The following SNTB2 variants were observed in gnomAD, a reference collection of about 807,000 sequenced individuals.
SNTB2 encodes the protein beta-2-syntrophin.
SNTB2 carries 34 observed loss-of-function variants against 46.2 expected under a neutral mutation model. The ratio of observed to expected loss-of-function variants is 0.74; its 90% CI spans 0.56 to 0.98. The LOEUF (loss-of-function observed/expected upper bound fraction) is 0.98. Ranked by LOEUF, SNTB2 falls within the 50% of genes least tolerant of loss-of-function variation. The pLI, the probability that SNTB2 is intolerant of heterozygous loss-of-function variation, is 0.00. For missense variants in SNTB2, 603 were observed against 731.4 expected (o/e 0.82, Z 2.02); for synonymous variants, 290 against 312.6 (o/e 0.93, Z 0.76).
intron 4 of SNTB2, among the ~76,000 whole-genome samples, chr16:69,281,087 G>A (rs1423741185): frequency 2.0e-5 from 3 of 152,094 alleles, no homozygotes; most frequent in African/African-American, 4.8e-5. Context: ...GAGCCACCGC[G>A]CCCGGCCTCA....
chr16:69,208,959 G>T (rs916296963), intron 1 of SNTB2, among the ~76,000 whole-genome samples: 2 of 148,140 alleles, frequency 1.4e-5, no homozygotes, highest in African/African-American at 5.3e-5. Flanking sequence ...TGAGAAACTA[G>T]ATGAATTTTT....
At chr16:69,194,745 A>G (rs953213117) in intron 1 of SNTB2, among the ~76,000 whole-genome samples, 1 of 152,112 alleles carries the variant, frequency 6.6e-6, no homozygotes, top group Admixed American at 6.5e-5. Flanking sequence ...GGAATGGGGC[A>G]ATTTTCCTAG....
chr16:69,274,942 T>C (rs968389203), intron 4 of SNTB2, among the ~76,000 whole-genome samples: 1 of 152,184 alleles, frequency 6.6e-6, no homozygotes, highest in African/African-American at 2.4e-5. Context: ...GTGGGTCTTA[T>C]AGAGCTTCCT....
intron 1 of SNTB2, among the ~76,000 whole-genome samples, chr16:69,237,697 G>A (rs1395877891): frequency 2.0e-5 from 3 of 146,354 alleles, no homozygotes; most frequent in Non-Finnish European, 1.5e-5. Context: ...CCGCCTCCCC[G>A]GTTCAAGTGA....
chr16:69,300,261 T>G lies in SNTB2; in HGVS notation c.1530+487T>G, dbSNP rs556870100. On this transcript the variant is annotated intron_variant, in intron 6 of 6. Coordinates refer to ENST00000336278, the MANE Select transcript of SNTB2 (RefSeq NM_006750.4). Reference sequence around the variant, plus strand: ...GTTGCCGTCATTTTTCTTTTTTTTTTCTTTTTTGAGACGGAGTCTCGCTTT... The same window carrying G: ...GTTGCCGTCATTTTTCTTTTTTTTTGCTTTTTTGAGACGGAGTCTCGCTTT... 2.0e-5 allele frequency among the ~76,000 whole-genome samples: 3 copies of G among 151,940 alleles called. No individual in the cohort carries two copies. In the East Asian group the frequency reaches 5.8e-4, roughly 30 times the overall value.
chr16:69,233,199 A>T (rs539998732), intron 1 of SNTB2, among the ~76,000 whole-genome samples: 1 of 152,342 alleles, frequency 6.6e-6, no homozygotes, highest in South Asian at 2.1e-4. Flanking sequence ...TCACAGAGTT[A>T]AATGACAAGG....
At chr16:69,211,119 A>G (rs555688130) in intron 1 of SNTB2, among the ~76,000 whole-genome samples, 2 of 152,302 alleles carry the variant, frequency 1.3e-5, no homozygotes, top group South Asian at 4.1e-4. Flanking sequence ...AATTAAAAAA[A>G]TTAAATTTTT....
chr16:69,274,432 T>A (rs1243025473), intron 4 of SNTB2, among the ~76,000 whole-genome samples: 2 of 151,850 alleles, frequency 1.3e-5, no homozygotes, highest in Admixed American at 6.6e-5. Flanking sequence ...GGCGGGTGGA[T>A]CACGAGGTCA....
chr16:69,191,883 T>C (rs1386951431), intron 1 of SNTB2, among the ~76,000 whole-genome samples: 4 of 152,054 alleles, frequency 2.6e-5, no homozygotes, highest in Non-Finnish European at 5.9e-5. Context: ...CCTCGTGATC[T>C]GCCTGCCTCA....
intron 2 of SNTB2, among the ~76,000 whole-genome samples, chr16:69,251,468 TAAAAAAAAAAA>T (rs71148976): frequency 2.8e-5 from 3 of 106,130 alleles, no homozygotes; most frequent in East Asian, 2.5e-4. Flanking sequence ...ATGTTTAGTT[TAAAAAAAAAAA>T]AAAAAAAAAA....
At chr16:69,265,699 C>A (rs934690753) in intron 3 of SNTB2, among the ~76,000 whole-genome samples, 1 of 151,750 alleles carries the variant, frequency 6.6e-6, no homozygotes, top group African/African-American at 2.4e-5. Flanking sequence ...TGGTGGCGGG[C>A]ACCTGTAATC....
At chr16:69,241,663 C>T (rs1160411271) in intron 1 of SNTB2, among the ~76,000 whole-genome samples, 1 of 150,910 alleles carries the variant, frequency 6.6e-6, no homozygotes, top group Non-Finnish European at 1.5e-5. Context: ...GGTGCAGTGG[C>T]TCATACCTAT....
At chr16:69,246,230 A>G (rs984706931) in intron 2 of SNTB2, among the ~76,000 whole-genome samples, 1 of 152,156 alleles carries the variant, frequency 6.6e-6, no homozygotes. Context: ...TTTGAAATAC[A>G]TCCCATCAAT....
At chr16:69,190,224 G>T (rs1235300312) in intron 1 of SNTB2, among the ~76,000 whole-genome samples, 1 of 152,150 alleles carries the variant, frequency 6.6e-6, no homozygotes, top group Non-Finnish European at 1.5e-5. Flanking sequence ...TCCATTAGAT[G>T]TCTGAAAACT....
At chr16:69,293,791 A>G (rs1345283975) in intron 5 of SNTB2, among the ~76,000 whole-genome samples, 2 of 152,184 alleles carry the variant, frequency 1.3e-5, no homozygotes, top group African/African-American at 2.4e-5. Flanking sequence ...GTGGAGGTAG[A>G]TGCAATCCAA....
intron 1 of SNTB2, among the ~76,000 whole-genome samples, chr16:69,190,310 A>G (rs542594485): frequency 6.2e-4 from 94 of 152,330 alleles, no homozygotes; most frequent in African/African-American, 2.1e-3. Flanking sequence ...ACTTTTGCCA[A>G]TCCCACACCA....
chr16:69,284,462 A>G (rs1214731013), intron 5 of SNTB2, among the ~76,000 whole-genome samples: 23 of 51,916 alleles, frequency 4.4e-4, no homozygotes, highest in Admixed American at 8.1e-4. Flanking sequence ...TCTTTACTAA[A>G]AAAAAAAAAA....
intron 1 of SNTB2, among the ~76,000 whole-genome samples, chr16:69,238,835 C>CA (rs1484344460): frequency 5.3e-5 from 8 of 152,292 alleles, no homozygotes; most frequent in African/African-American, 1.9e-4. Flanking sequence ...GTTAACCTGC[C>CA]AGCTGGTCTT....
chr16:69,258,308 T>C (rs1964798212), intron 2 of SNTB2, among the ~76,000 whole-genome samples: 1 of 152,210 alleles, frequency 6.6e-6, no homozygotes, highest in African/African-American at 2.4e-5. Flanking sequence ...ATTTATTTAT[T>C]TATTTGACTT....
Sources: allele counts gnomAD v4.1 joint callset (sites outside exome capture counted in the v4.1 genomes callset), GRCh38; gene constraint gnomAD v4.1.1; transcripts MANE v1.5; gene names NCBI Gene and HGNC (gene_info 2026-07-23, HGNC 2026-07-21).